The following ATXN2 variants were observed in gnomAD, a reference collection of about 807,000 sequenced individuals.
ATXN2 encodes ataxin-2.
ATXN2 carries 37 observed loss-of-function variants against 138.6 expected under a neutral mutation model. The observed-to-expected ratio is 0.27, with a 90% CI of 0.21 to 0.35. The LOEUF is 0.35. Among genes scored for constraint, ATXN2 ranks in the 10% least tolerant of loss-of-function variants. ATXN2 has a pLI of 1.00. For missense variants in ATXN2, 1,216 were observed against 1,480.3 expected, an observed-to-expected ratio of 0.82 and a Z score of 2.93; for synonymous variants, 549 against 543.7, an observed-to-expected ratio of 1.01 and a Z score of -0.13.
rs1879437904 is a variant in ATXN2 at position 111,510,443 on chromosome 12, A to C, written c.1698T>G (p.Ala566=). The part of the protein sequence containing the change: ...PTEAVAMPIP[A]ASPTPASPAS... ...CAGGACTAGCAGGCGTAGGAGATGC[A>C]GCTGGAATAGGCATGGCAACAGCTT... Residue 566 remains alanine, a synonymous_variant, in exon 12 of 25, where the codon GCT becomes GCG. Coordinates refer to ENST00000673436, the MANE Select transcript of ATXN2 (RefSeq NM_001372574.1). The C allele has an allele frequency of 1.2e-6, 2 of 1,614,058 alleles. No individual in the cohort carries two copies. The highest frequency in any genetic ancestry group is 2.2e-5 in the South Asian group (2 of 91,088).
intron 14 of ATXN2, among the ~76,000 whole-genome samples, chr12:111,492,980 C>T (rs917084336): frequency 1.3e-5 from 2 of 151,944 alleles, no homozygotes; most frequent in African/African-American, 2.4e-5. Context: ...AAAGAGACTG[C>T]AATAATTATT....
At chr12:111,553,604 A>AAAATTTTTT (rs1882237738) in intron 3 of ATXN2, among the ~76,000 whole-genome samples, 54 of 84,990 alleles carry the variant, frequency 6.4e-4, no homozygotes, top group South Asian at 1.3e-3. Flanking sequence ...AAAAAAAAAA[A>AAAATTTTTT]TTTTTTTTTT....
At chr12:111,597,986 G>A in intron 1 of ATXN2, 7 of 1,212,896 alleles carry the variant, frequency 5.8e-6, no homozygotes, top group South Asian at 4.3e-5. Context: ...CCCGCGCGCC[G>A]GAGAGGTCTG....
intron 1 of ATXN2, among the ~76,000 whole-genome samples, chr12:111,574,071 A>C (rs985550779): frequency 6.6e-6 from 1 of 151,734 alleles, no homozygotes; most frequent in Admixed American, 6.6e-5. Flanking sequence ...CAATCCCAGC[A>C]CTTTGGGAGG....
At chr12:111,568,154 A>G (rs1425771634) in intron 1 of ATXN2, among the ~76,000 whole-genome samples, 1 of 151,982 alleles carries the variant, frequency 6.6e-6, no homozygotes, top group Admixed American at 6.6e-5. Flanking sequence ...CCAGCTACTC[A>G]GGAGGCTGAG....
intron 18 of ATXN2, chr12:111,471,784 T>G (rs1876431572): frequency 6.6e-6 from 1 of 151,992 alleles, no homozygotes; most frequent in African/African-American, 2.4e-5. Context: ...CACTGAAAAC[T>G]ACTTATCACT....
chr12:111,528,570 T>A (rs1026571496), intron 5 of ATXN2, among the ~76,000 whole-genome samples: 26 of 152,108 alleles, frequency 1.7e-4, no homozygotes, highest in African/African-American at 6.0e-4. Context: ...AATACCAAAC[T>A]TTTTTTAAAA....
At chr12:111,546,091 CA>C (rs1276621301) in intron 5 of ATXN2, among the ~76,000 whole-genome samples, 2 of 151,852 alleles carry the variant, frequency 1.3e-5, no homozygotes, top group African/African-American at 4.8e-5. Flanking sequence ...CTAAATGTGA[CA>C]AAGAATCTGT....
In ATXN2 at chr12:111,598,552, G is replaced by A. The variant is rs1028174571; in HGVS notation, c.251+232C>T. On this transcript the variant is annotated intron_variant, in intron 1 of 24. Coordinates refer to ENST00000673436, the MANE Select transcript of ATXN2 (RefSeq NM_001372574.1). This position sits in a 1 kb window ranked among gnomAD's most constrained non-coding sequence, Gnocchi z 4.5. ...CGCTCCCTCCATCTTGACCGCCGGG[G>A]GAGGGGGCGGGGATGCTGCGGGAGG... 3.7e-5 allele frequency: 36 copies of A among 984,726 alleles called. 1 individual carries two copies. The South Asian group carries it at 1.5e-3, about 41-fold the overall frequency. The allele number at this position is 984,726 out of a possible 1,614,324, so 61.0% of individuals were successfully genotyped here.
chr12:111,497,569 T>C (rs1315200117), intron 14 of ATXN2, among the ~76,000 whole-genome samples: 1 of 151,988 alleles, frequency 6.6e-6, no homozygotes, highest in African/African-American at 2.4e-5. Flanking sequence ...TGGTTCGACA[T>C]ACGCAAATCA....
chr12:111,564,724 G>A (rs1301955497), intron 1 of ATXN2: 2 of 152,148 alleles, frequency 1.3e-5, no homozygotes, highest in East Asian at 3.8e-4. Context: ...AGGAATTAAA[G>A]GCCAGTCTGG....
At chr12:111,460,143 G>A (rs1326891253) in intron 21 of ATXN2, among the ~76,000 whole-genome samples, 4 of 152,258 alleles carry the variant, frequency 2.6e-5, no homozygotes, top group African/African-American at 7.2e-5. Flanking sequence ...GTGCAGTGGC[G>A]TGATATCAGC....
intron 5 of ATXN2, among the ~76,000 whole-genome samples, chr12:111,532,977 T>G (rs1444872167): frequency 6.6e-6 from 1 of 152,098 alleles, no homozygotes; most frequent in African/African-American, 2.4e-5. Flanking sequence ...CAGGCTGGAT[T>G]AGGAGTAGAC....
intron 5 of ATXN2, among the ~76,000 whole-genome samples, chr12:111,551,915 C>T (rs1215231954): frequency 1.3e-5 from 2 of 151,094 alleles, no homozygotes; most frequent in Non-Finnish European, 2.9e-5. Context: ...GAGTCTTGCT[C>T]TGTCACCCAG....
At chr12:111,579,408 A>G (rs1479903344) in intron 1 of ATXN2, among the ~76,000 whole-genome samples, 2 of 152,060 alleles carry the variant, frequency 1.3e-5, no homozygotes, top group Non-Finnish European at 2.9e-5. Flanking sequence ...GATTACAGGC[A>G]TGCGCCACCA....
intron 1 of ATXN2, among the ~76,000 whole-genome samples, chr12:111,584,377 C>CAAAAAAAAAAAAAA (rs58678794): frequency 8.9e-5 from 4 of 44,742 alleles, no homozygotes; most frequent in African/African-American, 2.1e-4. Flanking sequence ...GACCCTGTCT[C>CAAAAAAAAAAAAAA]AAAAAAAAAA....
intron 6 of ATXN2, among the ~76,000 whole-genome samples, chr12:111,524,093 GTC>G (rs1306182338): frequency 1.3e-5 from 2 of 152,146 alleles, no homozygotes; most frequent in African/African-American, 4.8e-5. Flanking sequence ...TGTAAAAGAA[GTC>G]TCTGTTTCCT....
intron 21 of ATXN2, among the ~76,000 whole-genome samples, chr12:111,461,903 C>G (rs1281123014): frequency 7.0e-6 from 1 of 141,938 alleles, no homozygotes; most frequent in Non-Finnish European, 1.5e-5. Flanking sequence ...GCCTGGACGA[C>G]AGAGTGAGAC....
At chr12:111,470,390 T>C (rs1876325443) in intron 19 of ATXN2, 150 bp from the exon 20 acceptor site, 2 of 1,205,858 alleles carry the variant, frequency 1.7e-6, no homozygotes, top group Non-Finnish European at 2.3e-6. Flanking sequence ...TCTGAACCTC[T>C]TACAATCATC....
Sources: allele counts gnomAD v4.1 joint callset (sites outside exome capture counted in the v4.1 genomes callset), GRCh38; gene constraint gnomAD v4.1.1; non-coding constraint Gnocchi (gnomAD v3.1); transcripts MANE v1.5; gene names NCBI Gene and HGNC (gene_info 2026-07-23, HGNC 2026-07-21).